FPGT: variants seen among roughly 807,000 people sequenced by gnomAD.
FPGT encodes GDP-L-fucose diphosphorylase.
In FPGT, 41 loss-of-function variants were observed where a neutral mutation model predicts 45.8. The observed-to-expected ratio is 0.90, with a 90% CI of 0.70 to 1.16. FPGT has a LOEUF of 1.16. Among genes scored for constraint, FPGT ranks in the 50% most tolerant of loss-of-function variants. The pLI, the probability that FPGT is intolerant of heterozygous loss-of-function variation, is 0.00. For missense variants in FPGT, 755 were observed against 689.1 expected (o/e 1.10, Z -1.07); for synonymous variants, 292 against 247.2 (o/e 1.18, Z -1.70).
chr1:74,199,091 G>C (rs990572958), intron 1 of FPGT, among the ~76,000 whole-genome samples: 2 of 152,206 alleles, frequency 1.3e-5, no homozygotes, highest in Admixed American at 1.3e-4. Context: ...TGTCATCAGA[G>C]AGTTGGGACC....
At chr1:74,202,718 T>A (rs1651912162) in intron 3 of FPGT, among the ~76,000 whole-genome samples, 1 of 152,194 alleles carries the variant, frequency 6.6e-6, no homozygotes, top group African/African-American at 2.4e-5. Context: ...AACTTCTTAA[T>A]TTTTTTGACT....
chr1:74,199,970 G>A (rs2100765843), intron 2 of FPGT, 139 bp downstream of exon 2: 4 of 1,044,850 alleles, frequency 3.8e-6, no homozygotes, highest in African/African-American at 1.6e-5. Context: ...AACATAAATT[G>A]ACTTTTTTTA....
chr1:74,199,611 AACT>A, intron 1 of FPGT, 50 bp from the exon 2 acceptor site: 2 of 1,578,206 alleles, frequency 1.3e-6, no homozygotes, highest in Non-Finnish European at 1.7e-6. Flanking sequence ...AACCTGTGGC[AACT>A]AGAAAATTCT....
rs1377665942 is a variant in FPGT, at chr1:74,205,751, T to C, written c.1704T>C (p.Leu568=). Residue 568 remains leucine (L), a synonymous_variant, in exon 4 of 4, where the codon CTT becomes CTC. Transcript: ENST00000370898. ...SYKLLSIEEM[L]IYKDVEDMIT... is the part of the protein sequence containing the mutation. Reference sequence around the variant, plus strand: ...AGTTGCTGTCCATTGAAGAAATGCTTATCTACAAAGATGTAGAAGATATGA... The same window carrying C: ...AGTTGCTGTCCATTGAAGAAATGCTCATCTACAAAGATGTAGAAGATATGA... 3.1e-6 allele frequency: 5 copies of C among 1,595,516 alleles called. No homozygotes were observed. In the East Asian group the frequency reaches 6.7e-5, roughly 21 times the overall value.
At chr1:74,200,879 T>C (rs1341456231) in intron 2 of FPGT, 3 of 155,658 alleles carry the variant, frequency 1.9e-5, no homozygotes, top group African/African-American at 7.2e-5. Flanking sequence ...TTTAAGATTT[T>C]TTTTTGGGAA....
chr1:74,203,886 A>G (rs2100775221), intron 3 of FPGT, among the ~76,000 whole-genome samples: 1 of 152,000 alleles, frequency 6.6e-6, no homozygotes, highest in South Asian at 2.1e-4. Flanking sequence ...TACTAAAAAT[A>G]CAAAAATTAG....
Position 74,199,816 on chromosome 1 carries a change from G to A in FPGT, c.235G>A (p.Ala79Thr). Residue 79 changes from alanine (A) to threonine (T), a missense_variant, in exon 2 of 4, where the codon GCT becomes ACT. Physicochemically the swap from Ala to Thr is moderately conservative, Grantham distance 58 (BLOSUM62 0). Transcript: ENST00000370898. ...TCAATATCACGTTTTTGTGGATCCT[G>A]CTGGAGCCAAAATTGGTACGCGCTT... ...GVQYHVFVDP[A>T]GAKIGNGGST... is the part of the protein sequence containing the mutation. 1 of 1,613,564 alleles carries A rather than the reference G, an allele frequency of 6.2e-7. No individual in the cohort carries two copies. Among genetic ancestry groups the A allele is most frequent in the Non-Finnish European group, 8.5e-7 (1 of 1,179,868 alleles).
intron 2 of FPGT, 44 bp from the exon 3 acceptor site, chr1:74,201,274 G>A (rs759782501): frequency 6.6e-7 from 1 of 1,524,258 alleles, no homozygotes; most frequent in African/African-American, 1.4e-5. Flanking sequence ...AGTTTTAGTA[G>A]GTTTCTATTA....
At position 74,205,689 on chromosome 1, in the gene FPGT, G is replaced by C. The variant is rs1652230059; in HGVS notation, c.1642G>C (p.Val548Leu). The change falls in exon 4 of 4, where the codon GTT becomes CTT. Residue 548 changes from valine to leucine, a missense_variant. Coordinates refer to ENST00000370898, the MANE Select transcript of FPGT (RefSeq NM_003838.5). ...AACATCCCTAAAGATGTTAAATGCT[G>C]TTAAGAACAAGTCAGCATTCAGCCT... ...VITSLKMLNAVKNKSAFSLNS... is the reference protein window; with the variant it reads ...VITSLKMLNALKNKSAFSLNS... 1.9e-6 allele frequency: 3 copies of C among 1,612,400 alleles called. No homozygotes were observed. Among genetic ancestry groups the C allele is most frequent in the African/African-American group, 1.3e-5 (1 of 74,890 alleles).
In FPGT at chr1:74,199,718, A is replaced by G. The variant is rs200157650; in HGVS notation, c.137A>G (p.Asp46Gly). The G allele has an allele frequency of 1.2e-6, 2 of 1,614,116 alleles. No individual in the cohort carries two copies. Among genetic ancestry groups the G allele is most frequent in the Middle Eastern group, 1.7e-4 (1 of 6,060 alleles). ...GACATAGTTGCAATAACAGCGGCTGATGAAAAACAGGAACTTGCTTACAAC... is the reference window on the plus strand; with the variant it reads ...GACATAGTTGCAATAACAGCGGCTGGTGAAAAACAGGAACTTGCTTACAAC... ...FWDIVAITAA[D>G]EKQELAYNQQ... The change falls in exon 2 of 4, where the codon GAT becomes GGT. Residue 46 changes from aspartate to glycine, a missense_variant. Asp to Gly is a moderately conservative substitution (Grantham distance 94). Transcript: ENST00000370898.
chr1:74,199,696 A>G lies in FPGT; in HGVS notation c.115A>G (p.Ile39Val), dbSNP rs909967771. ...KLVARGEFWD[I>V]VAITAADEKQ... ...TGTAGCACGTGGAGAATTCTGGGACATAGTTGCAATAACAGCGGCTGATGA... is the reference window on the plus strand; with the variant it reads ...TGTAGCACGTGGAGAATTCTGGGACGTAGTTGCAATAACAGCGGCTGATGA... The change falls in exon 2 of 4, where the codon ATA becomes GTA. Residue 39 changes from isoleucine (I) to valine (V), a missense_variant. Coordinates refer to ENST00000370898, the MANE Select transcript of FPGT (RefSeq NM_003838.5). 6 of 1,613,894 alleles carry G rather than the reference A, an allele frequency of 3.7e-6. No homozygotes were observed. The highest frequency in any genetic ancestry group is 4.5e-5 in the East Asian group (2 of 44,882).
Position 74,204,634 on chromosome 1 carries a change from G to C in FPGT, c.587G>C (p.Ser196Thr), listed in dbSNP as rs1301828149. ...TTTACTGCTTTAGCTCATCCTTCTAGTTTGACGATAGGTACCACACATGGA... is the reference window on the plus strand; with the variant it reads ...TTTACTGCTTTAGCTCATCCTTCTACTTTGACGATAGGTACCACACATGGA... ...PGFTALAHPS[S>T]LTIGTTHGVF... The change falls in exon 4 of 4, where the codon AGT (serine) becomes ACT (threonine). Residue 196 changes from serine to threonine, a missense_variant. Ser to Thr is a moderately conservative substitution (Grantham distance 58). Coordinates refer to ENST00000370898, the MANE Select transcript of FPGT (RefSeq NM_003838.5). The C allele has an allele frequency of 1.2e-6, 2 of 1,613,914 alleles. No homozygotes were observed. The highest frequency in any genetic ancestry group is 8.5e-7 in the Non-Finnish European group (1 of 1,179,830).
rs1557672865 is a variant in FPGT at position 74,204,898 on chromosome 1, T to TA, written c.852dup (p.Leu285ThrfsTer5). On this transcript the variant is annotated frameshift_variant, in exon 4 of 4. Transcript: ENST00000370898. LOFTEE classifies it high-confidence loss of function. ...ATGGATCATAAATCAGCAAAAATGT[T>TA]ACTTGCTTTTTATGAAAAAATAGGC... 1 of 1,613,800 alleles carries TA rather than the reference T, an allele frequency of 6.2e-7. No individual in the cohort carries two copies.
Position 74,207,880 on chromosome 1 carries a change from A to C in FPGT, c.*2048A>C, listed in dbSNP as rs1007214859. Among the ~76,000 whole-genome samples, 2 of 152,056 alleles carry C rather than the reference A, an allele frequency of 1.3e-5. No homozygotes were observed. The highest frequency in any genetic ancestry group is 2.9e-5 in the Non-Finnish European group (2 of 67,962). On this transcript the variant is annotated 3_prime_UTR_variant, in exon 4 of 4. Coordinates refer to ENST00000370898, the MANE Select transcript of FPGT (RefSeq NM_003838.5). The stretch of plus-strand genomic sequence containing the variant: ...AATACTGTATTTTAACCTAATCTGA[A>C]TTTTAATCATAATCCTGTACAATGC...
Position 74,208,341 on chromosome 1 carries a change from T to G in FPGT, c.*2509T>G, listed in dbSNP as rs891553731. Among the ~76,000 whole-genome samples the G allele has an allele frequency of 6.6e-6, 1 of 151,994 alleles. No homozygotes were observed. The highest frequency in any genetic ancestry group is 2.4e-5 in the African/African-American group (1 of 41,406). ...AAGAAGTGACTAAATTTTGTGACAA[T>G]CTTAATTTTTTAGGCTTTTCATTTA... On this transcript the variant is annotated 3_prime_UTR_variant, in exon 4 of 4. Transcript: ENST00000370898.
Position 74,205,092 on chromosome 1 carries a change from G to A in FPGT, c.1045G>A (p.Val349Ile). Residue 349 changes from valine (V) to isoleucine (I), a missense_variant, in exon 4 of 4, where the codon GTT becomes ATT. Coordinates refer to ENST00000370898, the MANE Select transcript of FPGT (RefSeq NM_003838.5). ...HLLKGTSLNV[V>I]VLNNSKFYHI... ...TCTTAAAGGAACATCACTAAATGTT[G>A]TTGTTCTTAATAACTCCAAATTTTA... 6.2e-7 allele frequency: 1 copy of A among 1,613,746 alleles called. No homozygotes were observed. Among genetic ancestry groups the A allele is most frequent in the Non-Finnish European group, 8.5e-7 (1 of 1,179,748 alleles).
intron 3 of FPGT, 66 bp downstream of exon 3, chr1:74,201,476 TTTTTC>T: frequency 3.9e-6 from 4 of 1,022,366 alleles, no homozygotes. Context: ...TTTAGAGACT[TTTTTC>T]TTTCTTGCAA....
At chr1:74,203,808 G>A (rs1426276328) in intron 3 of FPGT, among the ~76,000 whole-genome samples, 2 of 152,066 alleles carry the variant, frequency 1.3e-5, no homozygotes, top group Admixed American at 1.3e-4. Flanking sequence ...TTGGGAGGCC[G>A]AGTTGGGTGA....
intron 3 of FPGT, among the ~76,000 whole-genome samples, chr1:74,201,874 A>G (rs1462859576): frequency 6.6e-6 from 1 of 152,158 alleles, no homozygotes; most frequent in East Asian, 1.9e-4. Context: ...GCCAGCATGC[A>G]TTAGCTATTT....
Sources: gnomAD v4.1 joint callset for allele counts (sites outside exome capture counted in the v4.1 genomes callset) on GRCh38, gnomAD v4.1.1 for gene constraint, MANE v1.5 for transcripts, NCBI Gene and HGNC (gene_info 2026-07-23, HGNC 2026-07-21) for gene names.